Variants in EPHA5 observed in about 807,000 individuals in gnomAD.
EPHA5 encodes EPH receptor A5.
A neutral mutation model predicts 105.0 loss-of-function variants in EPHA5; 60 were observed. The ratio of observed to expected loss-of-function variants is 0.57; its 90% CI spans 0.46 to 0.71. The LOEUF is 0.71. Ranked by LOEUF, EPHA5 falls within the 30% of genes least tolerant of loss-of-function variation. The pLI, the probability that EPHA5 is intolerant of heterozygous loss-of-function variation, is 0.00. For synonymous variants in EPHA5, 513 were observed against 449.1 expected, an observed-to-expected ratio of 1.14 and a Z score of -1.80; for missense variants, 1,218 against 1,274.7, an observed-to-expected ratio of 0.96 and a Z score of 0.68.
chr4:65,444,989 A>C (rs1247698833), intron 5 of EPHA5, among the ~76,000 whole-genome samples: 3 of 152,106 alleles, frequency 2.0e-5, no homozygotes, highest in African/African-American at 7.2e-5. Context: ...AAAGAAATAA[A>C]TAGTATTGGA....
At chr4:65,466,195 A>G (rs1057431902) in intron 5 of EPHA5, among the ~76,000 whole-genome samples, 2 of 152,214 alleles carry the variant, frequency 1.3e-5, no homozygotes, top group Non-Finnish European at 2.9e-5. Flanking sequence ...CACTTTTGAG[A>G]ATGTTTGAAT....
At chr4:65,659,830 T>C (rs1279520420) in intron 1 of EPHA5, among the ~76,000 whole-genome samples, 1 of 152,142 alleles carries the variant, frequency 6.6e-6, no homozygotes, top group Non-Finnish European at 1.5e-5. Context: ...TAAAATTACA[T>C]TAATACCTTT....
At chr4:65,466,048 A>G (rs1157877929) in intron 5 of EPHA5, among the ~76,000 whole-genome samples, 1 of 152,238 alleles carries the variant, frequency 6.6e-6, no homozygotes, top group African/African-American at 2.4e-5. Flanking sequence ...AGAGGGTAAT[A>G]TGTGCTGTGA....
At chr4:65,667,060 T>C (rs992531497) in intron 1 of EPHA5, among the ~76,000 whole-genome samples, 2 of 152,138 alleles carry the variant, frequency 1.3e-5, no homozygotes, top group African/African-American at 4.8e-5. Context: ...TGAGAAAAAG[T>C]GATTAATGAG....
intron 5 of EPHA5, among the ~76,000 whole-genome samples, chr4:65,423,410 G>C (rs1724120516): frequency 6.6e-6 from 1 of 151,592 alleles, no homozygotes; most frequent in African/African-American, 2.4e-5. Flanking sequence ...TTAAGGAGTG[G>C]GAATTTATAA....
At chr4:65,555,179 TCC>T in intron 3 of EPHA5, among the ~76,000 whole-genome samples, 1 of 152,012 alleles carries the variant, frequency 6.6e-6, no homozygotes. Context: ...ACCATTTTAC[TCC>T]CATGTGTGTC....
intron 5 of EPHA5, among the ~76,000 whole-genome samples, chr4:65,441,330 A>C (rs2149086144): frequency 6.6e-6 from 1 of 152,184 alleles, no homozygotes; most frequent in East Asian, 1.9e-4. Flanking sequence ...TAATCTAAAA[A>C]CATATACTAC....
At chr4:65,514,400 A>C (rs1323292462) in intron 3 of EPHA5, among the ~76,000 whole-genome samples, 1 of 152,208 alleles carries the variant, frequency 6.6e-6, no homozygotes, top group Non-Finnish European at 1.5e-5. Flanking sequence ...CTTGTTCATC[A>C]GCATCTTGAA....
intron 3 of EPHA5, among the ~76,000 whole-genome samples, chr4:65,583,453 A>G (rs1316775291): frequency 6.6e-6 from 1 of 151,838 alleles, no homozygotes; most frequent in Non-Finnish European, 1.5e-5. Context: ...TTTTCTGAAT[A>G]TTTAAAGTAC....
chr4:65,670,258 G>A lies in EPHA5; in HGVS notation c.-516C>T, dbSNP rs1750343990. 4.3e-6 allele frequency: 1 copy of A among 234,070 alleles called. No homozygotes were observed. Among genetic ancestry groups the A allele is most frequent in the Non-Finnish European group, 8.4e-6 (1 of 118,642 alleles). The allele number at this position is 234,070 out of a possible 1,614,324, so 14.5% of individuals were successfully genotyped here. On this transcript the variant is annotated 5_prime_UTR_variant, in exon 1 of 17. Transcript: ENST00000613740. ...AAAATGTGGAGAATGAAAAACAGGA[G>A]AGCAGCGAGCAAAAGCAAAGATCCA...
intron 7 of EPHA5, among the ~76,000 whole-genome samples, chr4:65,413,034 CTTG>C (rs1452339604): frequency 2.0e-5 from 3 of 152,092 alleles, no homozygotes; most frequent in Admixed American, 1.3e-4. Flanking sequence ...AGAATCAAGT[CTTG>C]TTAAGATGGC....
At chr4:65,408,147 C>G (rs1403685145) in intron 7 of EPHA5, among the ~76,000 whole-genome samples, 2 of 152,016 alleles carry the variant, frequency 1.3e-5, no homozygotes, top group African/African-American at 4.8e-5. Flanking sequence ...TTAATGATAT[C>G]ATTAATTATA....
intron 8 of EPHA5, among the ~76,000 whole-genome samples, chr4:65,369,661 AT>A (rs1006342620): frequency 1.3e-4 from 20 of 152,224 alleles, no homozygotes; most frequent in African/African-American, 4.8e-4. Flanking sequence ...ATCTTTCATC[AT>A]TTTTGGAAAA....
chr4:65,334,657 G>C (rs557908956), intron 15 of EPHA5, among the ~76,000 whole-genome samples: 1 of 151,932 alleles, frequency 6.6e-6, no homozygotes, highest in Non-Finnish European at 1.5e-5. Flanking sequence ...TGGTACAGTC[G>C]GTCTTAAAGC....
intron 8 of EPHA5, among the ~76,000 whole-genome samples, chr4:65,390,213 A>C (rs1451011329): frequency 6.6e-6 from 1 of 152,028 alleles, no homozygotes; most frequent in Non-Finnish European, 1.5e-5. Context: ...CAAACTAACC[A>C]ATCTGGAGCA....
intron 3 of EPHA5, among the ~76,000 whole-genome samples, chr4:65,536,716 T>C (rs931327994): frequency 6.6e-5 from 10 of 151,364 alleles, no homozygotes; most frequent in Admixed American, 4.6e-4. Flanking sequence ...ACAATTGTAC[T>C]CTTTGAATTT....
chr4:65,528,961 T>C (rs185161241), intron 3 of EPHA5, among the ~76,000 whole-genome samples: 32 of 152,284 alleles, frequency 2.1e-4, no homozygotes, highest in Admixed American at 1.0e-3. Flanking sequence ...ATGTCAGTGA[T>C]AAACAGCTAT....
intron 5 of EPHA5, among the ~76,000 whole-genome samples, chr4:65,439,410 G>T (rs1004675117): frequency 6.6e-6 from 1 of 151,732 alleles, no homozygotes; most frequent in African/African-American, 2.4e-5. Flanking sequence ...ATTTTGTTCC[G>T]CTGTTCCACA....
intron 1 of EPHA5, among the ~76,000 whole-genome samples, chr4:65,656,095 A>G (rs2149537835): frequency 6.8e-6 from 1 of 146,822 alleles, no homozygotes; most frequent in Non-Finnish European, 1.5e-5. Context: ...TTAGGTTTCC[A>G]CAGTGATTTC....
Sources: allele counts gnomAD v4.1 joint callset (sites outside exome capture counted in the v4.1 genomes callset), GRCh38; gene constraint gnomAD v4.1.1; transcripts MANE v1.5; gene names NCBI Gene and HGNC (gene_info 2026-07-23, HGNC 2026-07-21).